The following AGAP1 variants were observed in gnomAD, a reference collection of about 807,000 sequenced individuals.
AGAP1 encodes arf-GAP with GTPase, ANK repeat and PH domain-containing protein 1.
AGAP1 carries 29 observed loss-of-function variants against 105.3 expected under a neutral mutation model. The ratio of observed to expected loss-of-function variants is 0.28; its 90% CI spans 0.21 to 0.38. The LOEUF is 0.38. AGAP1 is among the 10% of genes least tolerant of loss of function. The pLI, the probability that AGAP1 is intolerant of heterozygous loss-of-function variation, is 1.00. For synonymous variants in AGAP1, 509 were observed against 485.9 expected (o/e 1.05, Z -0.63); for missense variants, 998 against 1,165.1 (o/e 0.86, Z 2.09).
Position 236,131,688 on chromosome 2 carries a change from G to A in AGAP1, c.*7566G>A, listed in dbSNP as rs1043481754. On this transcript the variant is annotated 3_prime_UTR_variant, in exon 18 of 18. Coordinates refer to ENST00000304032, the MANE Select transcript of AGAP1 (RefSeq NM_001037131.3). This position sits in a 1 kb window ranked among gnomAD's most constrained non-coding sequence, Gnocchi z 5.9. ...GCCTTGGGATTTTTTTGTGTCCGCT[G>A]TACAGTATTCTAAGGGAAAAAGAAA... The A allele has an allele frequency of 1.3e-5, 2 of 151,988 alleles. No individual in the cohort carries two copies. The highest frequency in any genetic ancestry group is 2.4e-5 in the African/African-American group (1 of 41,380). The allele number at this position is 151,988 out of a possible 1,614,324, so 9.4% of individuals were successfully genotyped here.
At chr2:235,584,902 CTTTT>C (rs10629736) in intron 1 of AGAP1, among the ~76,000 whole-genome samples, 44 of 98,524 alleles carry the variant, frequency 4.5e-4, no homozygotes, top group African/African-American at 1.7e-3. Context: ...AAGTCATTAC[CTTTT>C]TTTTTTTTTT....
At position 235,737,599 on chromosome 2, in the gene AGAP1, G is replaced by A. The variant is rs1255426205; in HGVS notation, c.311-3364G>A. Among the ~76,000 whole-genome samples the A allele has an allele frequency of 6.6e-6, 1 of 152,168 alleles. No homozygotes were observed. On this transcript the variant is annotated intron_variant, in intron 3 of 17. Coordinates refer to ENST00000304032, the MANE Select transcript of AGAP1 (RefSeq NM_001037131.3). The surrounding 1 kb of genome is among the most constrained non-coding windows in gnomAD (Gnocchi z 4.5). ...AAGCTTCACTTGTGAACGTGACTCTGCAAAAACATGTTAGAGGAAGCAAAG... is the reference window on the plus strand; with the variant it reads ...AAGCTTCACTTGTGAACGTGACTCTACAAAAACATGTTAGAGGAAGCAAAG...
rs186123605 is a variant in AGAP1 at position 236,092,358 on chromosome 2, A to G, written c.2115-27834A>G. On this transcript the variant is annotated intron_variant, in intron 16 of 17. Coordinates refer to ENST00000304032, the MANE Select transcript of AGAP1 (RefSeq NM_001037131.3). This position sits in a 1 kb window ranked among gnomAD's most constrained non-coding sequence, Gnocchi z 4.7. Reference sequence around the variant, plus strand: ...TGAGGGGAAACCAGGTAAGGGGTACATGAGATCTCTCTGTATTATTTCTTT... The same window carrying G: ...TGAGGGGAAACCAGGTAAGGGGTACGTGAGATCTCTCTGTATTATTTCTTT... Among the ~76,000 whole-genome samples, 47 of 152,252 alleles carry G rather than the reference A, an allele frequency of 3.1e-4. No homozygotes were observed. The East Asian group carries it at 8.7e-3, about 28-fold the overall frequency.
intron 13 of AGAP1, among the ~76,000 whole-genome samples, chr2:235,998,863 G>A (rs934696488): frequency 2.0e-5 from 3 of 151,742 alleles, no homozygotes; most frequent in African/African-American, 7.3e-5. Context: ...TGACCATGGT[G>A]AGAGTTGGTG....
intron 1 of AGAP1, among the ~76,000 whole-genome samples, chr2:235,699,721 T>C (rs1464204798): frequency 6.6e-6 from 1 of 152,204 alleles, no homozygotes; most frequent in Non-Finnish European, 1.5e-5. Context: ...GGCCATTCCT[T>C]CTGCTGACTG....
intron 9 of AGAP1, among the ~76,000 whole-genome samples, chr2:235,861,140 G>T (rs2048912349): frequency 6.6e-6 from 1 of 152,202 alleles, no homozygotes; most frequent in Non-Finnish European, 1.5e-5. Context: ...TTAGCTTGCT[G>T]ATACAATATT....
At chr2:235,812,021 A>G (rs1575529681) in intron 9 of AGAP1, among the ~76,000 whole-genome samples, 1 of 151,678 alleles carries the variant, frequency 6.6e-6, no homozygotes, top group South Asian at 2.1e-4. Flanking sequence ...CAGGCCACCC[A>G]CTCTGGTCCG....
In AGAP1 at chr2:236,042,150, G is replaced by A. The variant is rs2057568161; in HGVS notation, c.1891+1309G>A. 6.6e-6 allele frequency among the ~76,000 whole-genome samples: 1 copy of A among 152,196 alleles called. No individual in the cohort carries two copies. Among genetic ancestry groups the A allele is most frequent in the South Asian group, 2.1e-4 (1 of 4,832 alleles). On this transcript the variant is annotated intron_variant, in intron 15 of 17. Transcript: ENST00000304032. The surrounding 1 kb of genome is among the most constrained non-coding windows in gnomAD (Gnocchi z 5.6). ...AGCTCCACTTGGGGAGATGGATCTG[G>A]CCAGACCATTTTGAACATACTGGAA...
At chr2:235,711,148 G>A (rs770350836) in intron 2 of AGAP1, among the ~76,000 whole-genome samples, 48 of 152,218 alleles carry the variant, frequency 3.2e-4, no homozygotes, top group Admixed American at 5.2e-4. Context: ...GTGCCGTCAC[G>A]GCTGGCGCCA....
chr2:235,938,337 T>C (rs1456521507), intron 12 of AGAP1, among the ~76,000 whole-genome samples: 1 of 152,200 alleles, frequency 6.6e-6, no homozygotes, highest in Non-Finnish European at 1.5e-5. Flanking sequence ...GCCTGTGTCA[T>C]AATTGTCACT....
chr2:235,923,311 C>G (rs2052276140), intron 11 of AGAP1, among the ~76,000 whole-genome samples: 2 of 152,172 alleles, frequency 1.3e-5, no homozygotes, highest in South Asian at 2.1e-4. Flanking sequence ...CCTGTTCTGT[C>G]TCTTACACTT....
chr2:235,673,841 A>T (rs1461659400), intron 1 of AGAP1, among the ~76,000 whole-genome samples: 4 of 152,344 alleles, frequency 2.6e-5, no homozygotes, highest in South Asian at 4.1e-4. Context: ...GAATCTTTTC[A>T]TATTCTTTAA....
At chr2:235,807,375 A>G (rs377664823) in intron 9 of AGAP1, 44 bp downstream of exon 9, 2 of 1,525,382 alleles carry the variant, frequency 1.3e-6, no homozygotes, top group Non-Finnish European at 1.8e-6. Flanking sequence ...CCGGAGATAC[A>G]CCTCAGGTCT....
chr2:236,058,345 C>T lies in AGAP1; in HGVS notation c.2114+9064C>T, dbSNP rs2058101597. On this transcript the variant is annotated intron_variant, in intron 16 of 17. Transcript: ENST00000304032. This position sits in a 1 kb window ranked among gnomAD's most constrained non-coding sequence, Gnocchi z 4.6. ...CAGTATATCCCAGCAGATGTTACAG[C>T]CAGAGAGCATCTACAAGAGGATTAG... Among the ~76,000 whole-genome samples the T allele has an allele frequency of 6.6e-6, 1 of 152,104 alleles. No homozygotes were observed. Among genetic ancestry groups the T allele is most frequent in the South Asian group, 2.1e-4 (1 of 4,830 alleles).
Position 235,807,346 on chromosome 2 carries a change from C to A in AGAP1, c.1050+15C>A. Reference sequence around the variant, plus strand: ...CAATTAAACAGGTGAGCAGCCTCCCCATCCTTCCCTCCCTGTCGCCGGAGA... The same window carrying A: ...CAATTAAACAGGTGAGCAGCCTCCCAATCCTTCCCTCCCTGTCGCCGGAGA... On this transcript the variant is annotated intron_variant, in intron 9 of 17. Coordinates refer to ENST00000304032, the MANE Select transcript of AGAP1 (RefSeq NM_001037131.3). 1.3e-6 allele frequency: 2 copies of A among 1,572,476 alleles called. No homozygotes were observed.
chr2:235,764,753 G>T (rs1575384159), intron 6 of AGAP1, among the ~76,000 whole-genome samples: 2 of 101,230 alleles, frequency 2.0e-5, no homozygotes, highest in Non-Finnish European at 4.0e-5. Flanking sequence ...CCCGTGGGGT[G>T]GGGGCATCTG....
At chr2:235,985,455 T>C (rs2055273520) in intron 13 of AGAP1, among the ~76,000 whole-genome samples, 1 of 152,232 alleles carries the variant, frequency 6.6e-6, no homozygotes, top group Non-Finnish European at 1.5e-5. Context: ...TTAGTTTAAT[T>C]AGATCCCATT....
intron 1 of AGAP1, among the ~76,000 whole-genome samples, chr2:235,508,560 C>T (rs114582375): frequency 8.5e-5 from 13 of 152,176 alleles, no homozygotes; most frequent in Admixed American, 3.9e-4. Flanking sequence ...TGCTGACTGA[C>T]GGTTTTGATT....
intron 12 of AGAP1, among the ~76,000 whole-genome samples, chr2:235,940,039 C>T (rs1166221021): frequency 2.0e-5 from 3 of 152,150 alleles, no homozygotes; most frequent in South Asian, 2.1e-4. Flanking sequence ...TTGAAGAACT[C>T]CAGCTTTCAT....
Sources: allele counts gnomAD v4.1 joint callset (sites outside exome capture counted in the v4.1 genomes callset), GRCh38; gene constraint gnomAD v4.1.1; non-coding constraint Gnocchi (gnomAD v3.1); transcripts MANE v1.5; gene names NCBI Gene and HGNC (gene_info 2026-07-23, HGNC 2026-07-21).